VPS53: variants seen among roughly 807,000 people sequenced by gnomAD.
VPS53 encodes VPS53 subunit of GARP complex.
In VPS53, 70 loss-of-function variants were observed where a neutral mutation model predicts 107.0. That is an observed-to-expected ratio of 0.65 (90% CI 0.54 to 0.80). The LOEUF is 0.80. Among genes scored for constraint, VPS53 ranks in the 30% least tolerant of loss-of-function variants. VPS53 has a pLI of 0.00. For synonymous variants in VPS53, 409 were observed against 393.3 expected (o/e 1.04, Z -0.47); for missense variants, 917 against 1,049.4 (o/e 0.87, Z 1.74).
At chr17:606,925 C>CA (rs1200500063) in intron 11 of VPS53, among the ~76,000 whole-genome samples, 1 of 149,358 alleles carries the variant, frequency 6.7e-6, no homozygotes, top group African/African-American at 2.5e-5. Flanking sequence ...TCCCTGGTGC[C>CA]AAAAAGGTTG....
chr17:628,147 T>G lies in VPS53; in HGVS notation c.772A>C (p.Lys258Gln), dbSNP rs373025868. ...LDPRIKQEII[K>Q]KFIKQHLSEY... ...GACAGATGCTGTTTAATAAACTTTT[T>G]GATGATTTCCTGTTTGATCCTGGGA... is the stretch of plus-strand genomic sequence containing the variant. The change falls in exon 9 of 22, where the codon AAA becomes CAA. Residue 258 changes from lysine to glutamine, a missense_variant. Lys to Gln is a moderately conservative substitution (Grantham distance 53). Coordinates refer to ENST00000437048, the MANE Select transcript of VPS53 (RefSeq NM_001128159.3). The G allele has an allele frequency of 1.9e-6, 3 of 1,614,034 alleles. No individual in the cohort carries two copies. Among genetic ancestry groups the G allele is most frequent in the Non-Finnish European group, 2.5e-6 (3 of 1,179,984 alleles).
At chr17:713,669 AAAAAAAGAAAAG>A (rs566121013) in intron 1 of VPS53, among the ~76,000 whole-genome samples, 67 of 146,116 alleles carry the variant, frequency 4.6e-4, no homozygotes, top group Non-Finnish European at 8.2e-4. Context: ...AAAAAAAAAG[AAAAAAAGAAAAG>A]AAAAAAATCA....
At chr17:689,754 G>A (rs112467264) in intron 4 of VPS53, among the ~76,000 whole-genome samples, 5 of 152,196 alleles carry the variant, frequency 3.3e-5, no homozygotes, top group East Asian at 1.9e-4. Context: ...GATTACAGGC[G>A]TAAGCTACCA....
chr17:657,472 C>A, intron 5 of VPS53: 1 of 1,422,884 alleles, frequency 7.0e-7, no homozygotes, highest in Non-Finnish European at 9.9e-7. Context: ...GGAGCAAACA[C>A]ACCGGTCAAT....
chr17:670,233 AACTGGGCACTG>A (rs1242358303), intron 4 of VPS53, among the ~76,000 whole-genome samples: 6 of 71,958 alleles, frequency 8.3e-5, no homozygotes, highest in African/African-American at 1.5e-4. Context: ...GGCACTGGTG[AACTGGGCACTG>A]GAGCCACAGC....
intron 4 of VPS53, among the ~76,000 whole-genome samples, chr17:672,597 A>ATTAAGAGGATGGAATCTTTGAACCATGC (rs1395317834): frequency 3.9e-5 from 6 of 152,182 alleles, no homozygotes; most frequent in African/African-American, 1.4e-4. Context: ...CGGCTCATGG[A>ATTAAGAGGATGGAATCTTTGAACCATGC]TTAAGAGGAT....
At chr17:546,260 A>G (rs1911179894) in intron 17 of VPS53, among the ~76,000 whole-genome samples, 1 of 151,748 alleles carries the variant, frequency 6.6e-6, no homozygotes, top group Non-Finnish European at 1.5e-5. Context: ...GTGAAGACCT[A>G]AATTTCTTAG....
At chr17:690,533 T>A (rs908423959) in intron 4 of VPS53, among the ~76,000 whole-genome samples, 8 of 152,352 alleles carry the variant, frequency 5.3e-5, no homozygotes, top group African/African-American at 1.7e-4. Flanking sequence ...ACTATCCCCT[T>A]AGGACCTGGT....
At position 652,321 on chromosome 17, in the gene VPS53, G is replaced by A. The variant is rs182166930; in HGVS notation, c.608+970C>T. ...TGGCTCACTGTATTTTCTAAAGACC[G>A]CCACAGCAATCTATCCCATCCCACA... On this transcript the variant is annotated intron_variant, in intron 7 of 21. Transcript: ENST00000437048. 2.0e-4 allele frequency among the ~76,000 whole-genome samples: 31 copies of A among 152,208 alleles called. 1 individual carries two copies. The East Asian group carries it at 5.6e-3, about 27-fold the overall frequency.
chr17:580,282 T>C (rs1210595975), intron 13 of VPS53, among the ~76,000 whole-genome samples: 25 of 114,120 alleles, frequency 2.2e-4, no homozygotes, highest in South Asian at 3.1e-4. Context: ...CCCAGAGAAA[T>C]TCCCTCAGAA....
At chr17:522,387 T>C (rs1488172445) in intron 19 of VPS53, among the ~76,000 whole-genome samples, 1 of 152,214 alleles carries the variant, frequency 6.6e-6, no homozygotes, top group African/African-American at 2.4e-5. Flanking sequence ...TTGCAGTCTT[T>C]AAAAAACAAA....
intron 13 of VPS53, among the ~76,000 whole-genome samples, chr17:585,598 C>T (rs1332737136): frequency 8.5e-5 from 13 of 152,100 alleles, no homozygotes; most frequent in Admixed American, 8.5e-4. Context: ...GTCATAATCT[C>T]ACCACTGCAC....
chr17:532,953 T>C (rs766782750), intron 18 of VPS53, 42 bp from the exon 19 acceptor site: 2 of 1,594,528 alleles, frequency 1.3e-6, no homozygotes, highest in African/African-American at 1.3e-5. Context: ...TTATTCTCTC[T>C]TGAGGAAAGA....
intron 11 of VPS53, among the ~76,000 whole-genome samples, chr17:617,379 A>G (rs1969190307): frequency 6.6e-6 from 1 of 152,238 alleles, no homozygotes; most frequent in Non-Finnish European, 1.5e-5. Context: ...GGATTCCTTC[A>G]GTGGGATCTC....
chr17:631,484 G>T, intron 8 of VPS53, 66 bp downstream of exon 8: 1 of 1,501,948 alleles, frequency 6.7e-7, no homozygotes, highest in Non-Finnish European at 9.3e-7. Flanking sequence ...CATGGTGACT[G>T]GGGTGAGCGT....
At chr17:602,150 G>A (rs1384690636) in intron 11 of VPS53, among the ~76,000 whole-genome samples, 3 of 152,192 alleles carry the variant, frequency 2.0e-5, no homozygotes, top group South Asian at 4.1e-4. Context: ...CCTCAAACCG[G>A]AACTCCGTTC....
chr17:589,565 A>G (rs1049484553), intron 12 of VPS53, among the ~76,000 whole-genome samples: 4 of 152,170 alleles, frequency 2.6e-5, no homozygotes, highest in African/African-American at 7.2e-5. Flanking sequence ...CAGAAGAAAG[A>G]TATTTAGGAG....
intron 7 of VPS53, among the ~76,000 whole-genome samples, chr17:638,498 T>G (rs886534619): frequency 2.6e-5 from 4 of 152,234 alleles, no homozygotes; most frequent in African/African-American, 9.6e-5. Flanking sequence ...TTGATGCAGT[T>G]TCTTCCTAGC....
intron 18 of VPS53, 192 bp from the exon 19 acceptor site, chr17:533,103 G>C: frequency 1.0e-6 from 1 of 980,816 alleles, no homozygotes; most frequent in African/African-American, 1.6e-5. Flanking sequence ...ATGAGGCCCT[G>C]GCAGGCCCGG....
Sources: allele counts gnomAD v4.1 joint callset (sites outside exome capture counted in the v4.1 genomes callset), GRCh38; gene constraint gnomAD v4.1.1; transcripts MANE v1.5; gene names NCBI Gene and HGNC (gene_info 2026-07-23, HGNC 2026-07-21).